PRIMA1: variants seen among roughly 807,000 people sequenced by gnomAD.
PRIMA1 encodes proline-rich membrane anchor 1.
PRIMA1 carries 7 observed loss-of-function variants against 17.5 expected under a neutral mutation model. The ratio of observed to expected loss-of-function variants is 0.40; its 90% CI spans 0.23 to 0.75. The LOEUF (loss-of-function observed/expected upper bound fraction) is 0.75. Ranked by LOEUF, PRIMA1 falls within the 30% of genes least tolerant of loss-of-function variation. The probability of loss-of-function intolerance (pLI) is 0.37; values close to 1 mark genes in which losing one functional copy is unlikely to be tolerated. For synonymous variants in PRIMA1, 97 were observed against 77.9 expected (o/e 1.25, Z -1.29); for missense variants, 200 against 201.8 (o/e 0.99, Z 0.05).
At chr14:93,766,689 C>T (rs1227966305) in intron 3 of PRIMA1, among the ~76,000 whole-genome samples, 1 of 152,166 alleles carries the variant, frequency 6.6e-6, no homozygotes, top group East Asian at 1.9e-4. Context: ...CGCTCCTCAG[C>T]CCTGAAGGTG....
chr14:93,762,057 G>A (rs78951565), intron 3 of PRIMA1, among the ~76,000 whole-genome samples: 2,027 of 152,224 alleles, frequency 0.013, 46 homozygotes, highest in African/African-American at 0.045. Context: ...ATGGTCAGAG[G>A]GGCCTTGCCC....
At chr14:93,784,129 A>G (rs1885457563) in intron 2 of PRIMA1, among the ~76,000 whole-genome samples, 1 of 152,258 alleles carries the variant, frequency 6.6e-6, no homozygotes, top group African/African-American at 2.4e-5. Flanking sequence ...TGAATTTCAG[A>G]TAAACAACAA....
intron 2 of PRIMA1, 120 bp from the exon 3 acceptor site, chr14:93,779,431 C>A: frequency 1.2e-6 from 1 of 807,464 alleles, no homozygotes; most frequent in Non-Finnish European, 1.9e-6. Flanking sequence ...CTTTCCAAGA[C>A]CAAGGCAGGA....
chr14:93,770,429 C>T (rs1885025887), intron 3 of PRIMA1, among the ~76,000 whole-genome samples: 1 of 152,252 alleles, frequency 6.6e-6, no homozygotes, highest in Admixed American at 6.5e-5. Flanking sequence ...TCCCTCGTAG[C>T]AGGCAGCAGC....
chr14:93,733,438 G>A (rs540580765), intron 4 of PRIMA1, among the ~76,000 whole-genome samples: 34 of 152,304 alleles, frequency 2.2e-4, no homozygotes, highest in African/African-American at 7.9e-4. Context: ...AGGGCCCTGC[G>A]GGGTGCGCCT....
intron 3 of PRIMA1, among the ~76,000 whole-genome samples, chr14:93,755,663 T>C (rs918229079): frequency 2.6e-5 from 4 of 152,212 alleles, no homozygotes; most frequent in African/African-American, 9.7e-5. Context: ...ATTTGAAATA[T>C]TCCGATTTCC....
Position 93,736,501 on chromosome 14 carries a change from G to A in PRIMA1, c.359+740C>T, listed in dbSNP as rs529048281. 2.6e-5 allele frequency among the ~76,000 whole-genome samples: 4 copies of A among 152,350 alleles called. No individual in the cohort carries two copies. In the East Asian group the frequency reaches 7.7e-4, roughly 29 times the overall value. On this transcript the variant is annotated intron_variant, in intron 4 of 4. Transcript: ENST00000393140. ...GTGCATTTTGGGCAGAGGGGGCTCT[G>A]AGTTTGGGTTCTCGGCTGGGTGGCA...
intron 3 of PRIMA1, among the ~76,000 whole-genome samples, chr14:93,741,895 C>A (rs143876246): frequency 6.6e-6 from 1 of 152,226 alleles, no homozygotes; most frequent in East Asian, 1.9e-4. Context: ...GGTCGCAACA[C>A]CTTGTCTTCC....
chr14:93,746,464 G>T (rs73338004), intron 3 of PRIMA1, among the ~76,000 whole-genome samples: 16,737 of 151,980 alleles, frequency 0.11, 1,209 homozygotes, highest in African/African-American at 0.2. Context: ...GTGCAGGCCC[G>T]GAGGTGAGTG....
intron 2 of PRIMA1, among the ~76,000 whole-genome samples, chr14:93,784,561 G>A (rs1465339512): frequency 6.6e-6 from 1 of 152,178 alleles, no homozygotes; most frequent in Non-Finnish European, 1.5e-5. Flanking sequence ...TCAGGATCAA[G>A]TCCAAACTGC....
At chr14:93,744,114 G>A (rs1029331446) in intron 3 of PRIMA1, among the ~76,000 whole-genome samples, 6 of 152,198 alleles carry the variant, frequency 3.9e-5, no homozygotes, top group East Asian at 3.8e-4. Context: ...GACCCTGCCC[G>A]AGGCCACACA....
At position 93,726,830 on chromosome 14, in the gene PRIMA1, TAC is replaced by T. The variant is rs200934809; in HGVS notation, c.360-5286_360-5285del. Among the ~76,000 whole-genome samples, 1,003 of 152,076 alleles carry T rather than the reference TAC, an allele frequency of 6.6e-3. 7 individuals are homozygous for T. Among genetic ancestry groups the T allele is most frequent in the Non-Finnish European group, 8.3e-3 (564 of 67,976 alleles). ...CTTCAACACACACACAATATACACA[TAC>T]ACACATGTCCCTACACACATATGCA... On this transcript the variant is annotated intron_variant, in intron 4 of 4. Transcript: ENST00000393140. The surrounding 1 kb of genome is among the most constrained non-coding windows in gnomAD (Gnocchi z 4.2).
At chr14:93,723,069 C>T (rs1417397213) in intron 4 of PRIMA1, among the ~76,000 whole-genome samples, 2 of 152,082 alleles carry the variant, frequency 1.3e-5, no homozygotes, top group Non-Finnish European at 2.9e-5. Flanking sequence ...AGTCTCACTT[C>T]CTCCCTCCCT....
chr14:93,764,458 T>G (rs904974607), intron 3 of PRIMA1, among the ~76,000 whole-genome samples: 3 of 151,078 alleles, frequency 2.0e-5, no homozygotes, highest in African/African-American at 7.3e-5. Context: ...TCCACAGGCA[T>G]CTCAAACTCC....
At position 93,771,518 on chromosome 14, in the gene PRIMA1, G is replaced by A. The variant is rs534948763; in HGVS notation, c.229+7658C>T. ...AGACATGGGAGAGGAAGCCTTCAAG[G>A]TGGCCCCAGCCCTGGCTGACAGACT... On this transcript the variant is annotated intron_variant, in intron 3 of 4. Transcript: ENST00000393140. Among the ~76,000 whole-genome samples, 4 of 152,230 alleles carry A rather than the reference G, an allele frequency of 2.6e-5. No individual in the cohort carries two copies. The East Asian group carries it at 5.8e-4, about 22-fold the overall frequency.
intron 3 of PRIMA1, among the ~76,000 whole-genome samples, chr14:93,741,513 C>A (rs1462149065): frequency 6.6e-5 from 10 of 152,208 alleles, no homozygotes; most frequent in Admixed American, 6.5e-4. Flanking sequence ...AAACTGAGCA[C>A]CCTCGGTGCC....
intron 3 of PRIMA1, among the ~76,000 whole-genome samples, chr14:93,763,675 C>G (rs1372024446): frequency 6.6e-6 from 1 of 152,134 alleles, no homozygotes; most frequent in African/African-American, 2.4e-5. Context: ...GCCCCGTCTG[C>G]TAATCGGTGA....
intron 3 of PRIMA1, among the ~76,000 whole-genome samples, chr14:93,738,767 G>A (rs935423915): frequency 6.6e-6 from 1 of 152,172 alleles, no homozygotes; most frequent in African/African-American, 2.4e-5. Context: ...CGCACCTTCA[G>A]CATGACACAG....
chr14:93,747,541 TGTGA>T (rs1402006544), intron 3 of PRIMA1, among the ~76,000 whole-genome samples: 1 of 151,832 alleles, frequency 6.6e-6, no homozygotes, highest in Non-Finnish European at 1.5e-5. Flanking sequence ...AGGTGGAGTG[TGTGA>T]GTGTGTGAGA....
Sources: gnomAD v4.1 joint callset for allele counts (sites outside exome capture counted in the v4.1 genomes callset) on GRCh38, gnomAD v4.1.1 for gene constraint, Gnocchi (gnomAD v3.1) non-coding constraint, MANE v1.5 for transcripts, NCBI Gene and HGNC (gene_info 2026-07-23, HGNC 2026-07-21) for gene names.